ATP13A4: variants seen among roughly 807,000 people sequenced by gnomAD.
ATP13A4 encodes ATPase 13A4.
In ATP13A4, 114 loss-of-function variants were observed where a neutral mutation model predicts 142.5. That is an observed-to-expected ratio of 0.80 (90% CI 0.69 to 0.93). ATP13A4 has a LOEUF of 0.93. ATP13A4 is among the 40% of genes least tolerant of loss of function. ATP13A4 has a pLI of 0.00. For synonymous variants in ATP13A4, 488 were observed against 514.8 expected (o/e 0.95, Z 0.70); for missense variants, 1,392 against 1,454.0 (o/e 0.96, Z 0.69).
chr3:193,454,106 C>T lies in ATP13A4; in HGVS notation c.2022G>A (p.Leu674=). 6.2e-7 allele frequency: 1 copy of T among 1,608,970 alleles called. No individual in the cohort carries two copies. The highest frequency in any genetic ancestry group is 8.5e-7 in the Non-Finnish European group (1 of 1,175,254). Residue 674 remains leucine, a synonymous_variant, in exon 17 of 30, where the codon TTG becomes TTA. Coordinates refer to ENST00000342695, the MANE Select transcript of ATP13A4 (RefSeq NM_032279.4). ...TCAAAATCATCCCCATTTACCTCGT[C>T]AAGGTAGTAGCGTGATGGTCATTTT... ...KLENDHHATT[L]TRETVESDLI...
intron 1 of ATP13A4, among the ~76,000 whole-genome samples, chr3:193,592,549 T>C (rs1724854788): frequency 6.6e-6 from 1 of 152,230 alleles, no homozygotes; most frequent in Non-Finnish European, 1.5e-5. Context: ...AGGGAGCTGG[T>C]GGAGGCCTTG....
chr3:193,484,118 G>T, intron 7 of ATP13A4, 113 bp from the exon 8 acceptor site: 1 of 883,664 alleles, frequency 1.1e-6, no homozygotes, highest in Non-Finnish European at 1.9e-6. Flanking sequence ...CCAGTTGAAT[G>T]GAATGTACTG....
At chr3:193,422,964 C>T (rs1560176721) in intron 25 of ATP13A4, among the ~76,000 whole-genome samples, 1 of 148,926 alleles carries the variant, frequency 6.7e-6, no homozygotes, top group African/African-American at 2.5e-5. Context: ...ACAAAATCAA[C>T]AAACCATAGC....
chr3:193,506,233 T>C (rs1157698825), intron 2 of ATP13A4, among the ~76,000 whole-genome samples: 4 of 152,218 alleles, frequency 2.6e-5, no homozygotes, highest in African/African-American at 9.7e-5. Context: ...ATTTGTAAAA[T>C]ACTTAAATGT....
chr3:193,399,785 G>C lies in ATP13A4; in HGVS notation c.*2867C>G, dbSNP rs1350475773. ...GGTGTGAATCCGGGAGGCGGAGCTG[G>C]CAGTGAGCCGAGATTGTGCCACTGC... On this transcript the variant is annotated 3_prime_UTR_variant, in exon 30 of 30. Transcript: ENST00000342695. 1.3e-5 allele frequency among the ~76,000 whole-genome samples: 2 copies of C among 148,336 alleles called. No homozygotes were observed. The highest frequency in any genetic ancestry group is 5.0e-5 in the African/African-American group (2 of 39,876).
chr3:193,492,800 T>G, intron 5 of ATP13A4, 117 bp downstream of exon 5: 2 of 788,910 alleles, frequency 2.5e-6, no homozygotes, highest in East Asian at 5.3e-5. Context: ...TAATACTAAA[T>G]AGAGCATTAT....
At chr3:193,406,770 T>C (rs1714520497) in intron 29 of ATP13A4, among the ~76,000 whole-genome samples, 1 of 152,214 alleles carries the variant, frequency 6.6e-6, no homozygotes, top group Admixed American at 6.5e-5. Context: ...ATTGTATGGT[T>C]TCACTTATAT....
intron 29 of ATP13A4, among the ~76,000 whole-genome samples, chr3:193,404,602 T>C (rs186222147): frequency 2.0e-5 from 3 of 152,252 alleles, no homozygotes; most frequent in Non-Finnish European, 4.4e-5. Context: ...TTTAAAAGTG[T>C]GTAGCACCTT....
chr3:193,576,492 C>T (rs918445011), intron 2 of ATP13A4, among the ~76,000 whole-genome samples: 2 of 150,748 alleles, frequency 1.3e-5, no homozygotes, highest in African/African-American at 4.9e-5. Flanking sequence ...AGGATGGTCT[C>T]GATCTCCTGA....
chr3:193,403,998 T>C (rs886878613), intron 29 of ATP13A4: 1 of 985,302 alleles, frequency 1.0e-6, no homozygotes, highest in Non-Finnish European at 1.2e-6. Flanking sequence ...GAACAGCCAG[T>C]CTGCATTATT....
At chr3:193,572,753 A>G (rs11922377) in intron 2 of ATP13A4, among the ~76,000 whole-genome samples, 61,611 of 151,754 alleles carry the variant, frequency 0.41, 13,971 homozygotes, top group African/African-American at 0.62. Flanking sequence ...TGAAGACGTT[A>G]GTACATGCAC....
In ATP13A4 at chr3:193,457,688, T is replaced by A. The variant is rs144354265; in HGVS notation, c.1675-223A>T. On this transcript the variant is annotated intron_variant, in intron 14 of 29. Coordinates refer to ENST00000342695, the MANE Select transcript of ATP13A4 (RefSeq NM_032279.4). Reference sequence around the variant, plus strand: ...AGACACTTTTGAATTATTCATGCAATTTATCTTGTTTTCTCTGTTGGAATG... The same window carrying A: ...AGACACTTTTGAATTATTCATGCAAATTATCTTGTTTTCTCTGTTGGAATG... Among the ~76,000 whole-genome samples the A allele has an allele frequency of 8.5e-5, 13 of 152,350 alleles. No individual in the cohort carries two copies. The East Asian group carries it at 2.3e-3, about 27-fold the overall frequency.
chr3:193,572,750 G>T (rs146243929), intron 2 of ATP13A4, among the ~76,000 whole-genome samples: 4 of 152,108 alleles, frequency 2.6e-5, no homozygotes, highest in Non-Finnish European at 5.9e-5. Context: ...CCCTGAAGAC[G>T]TTAGTACATG....
chr3:193,538,645 C>G (rs1722715402), intron 1 of ATP13A4, among the ~76,000 whole-genome samples: 1 of 151,754 alleles, frequency 6.6e-6, no homozygotes, highest in Non-Finnish European at 1.5e-5. Flanking sequence ...TTGGACAATT[C>G]TAGTAAGTAA....
At chr3:193,465,221 CTT>C (rs1718200490) in intron 11 of ATP13A4, 93 bp from the exon 12 acceptor site, 1 of 1,353,916 alleles carries the variant, frequency 7.4e-7, no homozygotes, top group African/African-American at 1.4e-5. Flanking sequence ...GAGTTTTGCT[CTT>C]GTCGCCCAGG....
chr3:193,418,266 C>T (rs1404396924), intron 25 of ATP13A4, among the ~76,000 whole-genome samples: 5 of 146,028 alleles, frequency 3.4e-5, no homozygotes, highest in Non-Finnish European at 7.4e-5. Flanking sequence ...CTGCAGTGAG[C>T]CGAGATTGCG....
chr3:193,592,141 T>TG (rs547414281), intron 1 of ATP13A4, among the ~76,000 whole-genome samples: 1 of 96,986 alleles, frequency 1.0e-5, no homozygotes. Flanking sequence ...GTGGCATGGG[T>TG]GGGGGGCGGG....
At chr3:193,478,477 T>C (rs1411375076) in intron 8 of ATP13A4, among the ~76,000 whole-genome samples, 1 of 151,924 alleles carries the variant, frequency 6.6e-6, no homozygotes, top group Non-Finnish European at 1.5e-5. Flanking sequence ...CAAAAGATCA[T>C]TCAAGGATAC....
chr3:193,414,435 T>C (rs1273123610), intron 26 of ATP13A4, 144 bp downstream of exon 26: 2 of 777,032 alleles, frequency 2.6e-6, no homozygotes, highest in Non-Finnish European at 4.4e-6. Context: ...AGAGAAGAAA[T>C]AATCACTGAA....
Sources: allele counts gnomAD v4.1 joint callset (sites outside exome capture counted in the v4.1 genomes callset), GRCh38; gene constraint gnomAD v4.1.1; transcripts MANE v1.5; gene names NCBI Gene and HGNC (gene_info 2026-07-23, HGNC 2026-07-21).